CORO2B: variants seen among roughly 807,000 people sequenced by gnomAD.
The protein encoded by CORO2B is coronin-2B.
CORO2B carries 26 observed loss-of-function variants against 58.8 expected under a neutral mutation model. The ratio of observed to expected loss-of-function variants is 0.44; its 90% CI spans 0.32 to 0.61. The LOEUF is 0.61. CORO2B is among the 20% of genes least tolerant of loss of function. The pLI, the probability that CORO2B is intolerant of heterozygous loss-of-function variation, is 0.04. For synonymous variants in CORO2B, 242 were observed against 253.8 expected (o/e 0.95, Z 0.44); for missense variants, 460 against 645.1 (o/e 0.71, Z 3.11).
intron 3 of CORO2B, among the ~76,000 whole-genome samples, chr15:68,708,248 G>T (rs1203171300): frequency 6.6e-6 from 1 of 152,148 alleles, no homozygotes; most frequent in East Asian, 1.9e-4. Context: ...ATAGTATGAG[G>T]AGGAGGCACC....
chr15:68,711,996 G>T (rs1243886127), intron 5 of CORO2B, among the ~76,000 whole-genome samples: 1 of 152,144 alleles, frequency 6.6e-6, no homozygotes, highest in Non-Finnish European at 1.5e-5. Context: ...ACCCTTCAGT[G>T]CATACATCCC....
chr15:68,689,127 A>C (rs998824517), intron 2 of CORO2B, among the ~76,000 whole-genome samples: 1 of 152,140 alleles, frequency 6.6e-6, no homozygotes, highest in Non-Finnish European at 1.5e-5. Context: ...AGCACCAAGA[A>C]GGGCTGGACT....
chr15:68,551,071 T>C, the CORO2B span, among the ~76,000 whole-genome samples: 2 of 152,024 alleles, frequency 1.3e-5, no homozygotes, highest in African/African-American at 4.8e-5. Flanking sequence ...CCTGACTCTC[T>C]GGGGGGAAGA....
intron 1 of CORO2B, among the ~76,000 whole-genome samples, chr15:68,595,804 A>C (rs1291630630): frequency 2.0e-5 from 3 of 152,214 alleles, no homozygotes; most frequent in Admixed American, 6.5e-5. Flanking sequence ...CAGACGGGCA[A>C]ACAAATACGG....
At chr15:68,611,097 C>G (rs1313464843) in intron 1 of CORO2B, among the ~76,000 whole-genome samples, 1 of 152,202 alleles carries the variant, frequency 6.6e-6, no homozygotes, top group South Asian at 2.1e-4. Flanking sequence ...CACCACTGAG[C>G]CACTGAGCAT....
At chr15:68,523,628 G>A in the CORO2B span, among the ~76,000 whole-genome samples, 3 of 152,184 alleles carry the variant, frequency 2.0e-5, no homozygotes, top group Non-Finnish European at 4.4e-5. Flanking sequence ...TAACTGTCAG[G>A]TTTAGTTTTC....
chr15:68,657,143 C>T (rs548950061), intron 2 of CORO2B, among the ~76,000 whole-genome samples: 43 of 152,054 alleles, frequency 2.8e-4, no homozygotes, highest in African/African-American at 9.9e-4. Context: ...ATCCTTTTGG[C>T]AGTCTAGAAA....
At chr15:68,611,775 CTTT>C (rs200948998) in intron 1 of CORO2B, among the ~76,000 whole-genome samples, 3 of 140,062 alleles carry the variant, frequency 2.1e-5, no homozygotes, top group Admixed American at 7.2e-5. Context: ...CACTTTTTTT[CTTT>C]TTTTTTTTTT....
intron 1 of CORO2B, among the ~76,000 whole-genome samples, chr15:68,620,932 C>T (rs892077709): frequency 2.0e-5 from 3 of 152,170 alleles, no homozygotes; most frequent in African/African-American, 4.8e-5. Flanking sequence ...GTCTGCTGGC[C>T]GAGCTCCACT....
At chr15:68,633,514 T>TACACACACACAC (rs147873341) in intron 1 of CORO2B, among the ~76,000 whole-genome samples, 14,416 of 143,890 alleles carry the variant, frequency 0.1, 851 homozygotes, top group African/African-American at 0.14. Context: ...TACTCCAACA[T>TACACACACACAC]ACACACACAC....
the CORO2B span, among the ~76,000 whole-genome samples, chr15:68,551,485 C>T: frequency 6.6e-6 from 1 of 152,150 alleles, no homozygotes; most frequent in East Asian, 1.9e-4. Context: ...CCAAGCTGGG[C>T]CTCCCCGGCC....
chr15:68,591,867 C>T lies in CORO2B; in HGVS notation c.15+12590C>T, dbSNP rs77264179. Among the ~76,000 whole-genome samples, 36 of 152,256 alleles carry T rather than the reference C, an allele frequency of 2.4e-4. No individual in the cohort carries two copies. The East Asian group carries it at 4.3e-3, about 18-fold the overall frequency. ...CTAGGAAAACGTGGTTATAGCATGGCGAGAAGAGCACTGGAATGGGATTTC... is the reference window on the plus strand; with the variant it reads ...CTAGGAAAACGTGGTTATAGCATGGTGAGAAGAGCACTGGAATGGGATTTC... On this transcript the variant is annotated intron_variant, in intron 1 of 11. Transcript: ENST00000261861.
Position 68,711,571 on chromosome 15 carries a change from G to T in CORO2B, c.513G>T (p.Glu171Asp). 6.2e-7 allele frequency: 1 copy of T among 1,613,492 alleles called. No individual in the cohort carries two copies. Among genetic ancestry groups the T allele is most frequent in the Non-Finnish European group, 8.5e-7 (1 of 1,179,640 alleles). The change falls in exon 5 of 12, where the codon GAG (glutamate) becomes GAT (aspartate). Residue 171 changes from glutamate (E) to aspartate (D), a missense_variant. This residue lies in a region of CORO2B where 352 missense variants were observed against 543.0 expected (regional missense o/e 0.65). Coordinates refer to ENST00000261861, the MANE Select transcript of CORO2B (RefSeq NM_006091.5). ...TCATCTGGAACCTGGATGTGGGTGA[G>T]CCGGTGAAGATGATTGACTGCCACA... ...KVLIWNLDVG[E>D]PVKMIDCHTD...
intron 1 of CORO2B, among the ~76,000 whole-genome samples, chr15:68,609,182 G>C (rs1900190902): frequency 6.6e-6 from 1 of 152,212 alleles, no homozygotes; most frequent in Non-Finnish European, 1.5e-5. Context: ...GAAAAGGATT[G>C]CAGGTGACAA....
chr15:68,547,637 C>T, the CORO2B span, among the ~76,000 whole-genome samples: 128 of 152,158 alleles, frequency 8.4e-4, no homozygotes, highest in Non-Finnish European at 1.5e-3. Context: ...CCACCGCACC[C>T]GGCCTATACA....
the CORO2B span, among the ~76,000 whole-genome samples, chr15:68,568,597 T>A: frequency 5.9e-5 from 9 of 152,152 alleles, no homozygotes; most frequent in African/African-American, 1.7e-4. Flanking sequence ...ATAGTACCAA[T>A]CCCTTATGTC....
At chr15:68,617,548 T>C (rs1900395035) in intron 1 of CORO2B, among the ~76,000 whole-genome samples, 1 of 152,156 alleles carries the variant, frequency 6.6e-6, no homozygotes, top group Admixed American at 6.5e-5. Context: ...TCTGTGACTA[T>C]ATATGTGTGG....
chr15:68,599,320 C>A (rs1206217707), intron 1 of CORO2B, among the ~76,000 whole-genome samples: 2 of 152,234 alleles, frequency 1.3e-5, no homozygotes, highest in Non-Finnish European at 2.9e-5. Context: ...AGAGGGCAAG[C>A]CCCATGCCCT....
intron 2 of CORO2B, among the ~76,000 whole-genome samples, chr15:68,667,954 T>C (rs1428992529): frequency 6.6e-6 from 1 of 152,278 alleles, no homozygotes; most frequent in Non-Finnish European, 1.5e-5. Context: ...AAACGAGAGA[T>C]AATAAATCCC....
Sources: gnomAD v4.1 joint callset for allele counts (sites outside exome capture counted in the v4.1 genomes callset) on GRCh38, gnomAD v4.1.1 for gene constraint, gnomAD v4.1.1 regional missense constraint, MANE v1.5 for transcripts, NCBI Gene and HGNC (gene_info 2026-07-23, HGNC 2026-07-21) for gene names.